Variants in SP3 observed in about 807,000 individuals in gnomAD.
SP3 encodes Sp3 transcription factor.
SP3 carries 10 observed loss-of-function variants against 70.3 expected under a neutral mutation model. The observed-to-expected ratio is 0.14, with a 90% CI of 0.09 to 0.24. The LOEUF (loss-of-function observed/expected upper bound fraction) is 0.24, where lower values mean the gene tolerates loss of function less well. Among genes scored for constraint, SP3 ranks in the 10% least tolerant of loss-of-function variants. The probability of loss-of-function intolerance (pLI) is 1.00; values close to 1 mark genes in which losing one functional copy is unlikely to be tolerated. For missense variants in SP3, 825 were observed against 914.6 expected (o/e 0.90, Z 1.26); for synonymous variants, 402 against 333.5 (o/e 1.21, Z -2.24).
At chr2:173,941,312 A>G (rs1269172974) in intron 4 of SP3, among the ~76,000 whole-genome samples, 1 of 152,156 alleles carries the variant, frequency 6.6e-6, no homozygotes, top group Non-Finnish European at 1.5e-5. Flanking sequence ...CCTCCACAAT[A>G]TATGAATAGA....
rs772974701 is a variant in SP3, at chr2:173,955,359, T to G, written c.1153A>C (p.Asn385His). The G allele has an allele frequency of 1.3e-5, 21 of 1,613,912 alleles. No individual in the cohort carries two copies. Among genetic ancestry groups the G allele is most frequent in the Non-Finnish European group, 1.7e-5 (20 of 1,180,004 alleles). The change falls in exon 4 of 7, where the codon AAT (asparagine) becomes CAT (histidine). Residue 385 changes from asparagine (N) to histidine (H), a missense_variant. Transcript: ENST00000310015. ...GGCTGTGCTGTAGAAACCTGAATAT[T>G]CTGTGCCTGTGTCTCTTCAGAAACA... ...SPVSEETQAQ[N>H]IQVSTAQPVV...
At chr2:173,951,368 T>C (rs1481184173) in intron 4 of SP3, among the ~76,000 whole-genome samples, 1 of 152,200 alleles carries the variant, frequency 6.6e-6, no homozygotes, top group African/African-American at 2.4e-5. Context: ...ATACTGATAC[T>C]TACCATATCA....
intron 5 of SP3, among the ~76,000 whole-genome samples, chr2:173,918,215 T>G (rs890280541): frequency 1.3e-5 from 2 of 152,136 alleles, no homozygotes; most frequent in Admixed American, 1.3e-4. Flanking sequence ...GAAATACTTA[T>G]GCTTATCAGC....
intron 4 of SP3, among the ~76,000 whole-genome samples, chr2:173,932,180 T>C (rs6756370): frequency 0.012 from 1,808 of 152,226 alleles, 39 homozygotes; most frequent in African/African-American, 0.041. Flanking sequence ...GTAGGGTTAT[T>C]ATCAATTTGC....
chr2:173,965,373 C>T lies in SP3; in HGVS notation c.-202G>A. On this transcript the variant is annotated 5_prime_UTR_variant, in exon 1 of 7. Transcript: ENST00000310015. The stretch of plus-strand genomic sequence containing the variant: ...AGCCCAAAAGGGGGGAAGAGGGTGA[C>T]AGCCCGCCCGGAACTCCCGCCCCTC... The T allele has an allele frequency of 1.7e-6, 1 of 601,130 alleles. No homozygotes were observed. Among genetic ancestry groups the T allele is most frequent in the Admixed American group, 3.2e-5 (1 of 31,004 alleles). 37.2% of individuals were successfully genotyped at this position (601,130 alleles called of 1,614,324 possible).
intron 4 of SP3, among the ~76,000 whole-genome samples, chr2:173,947,101 G>C (rs1690565972): frequency 6.6e-6 from 1 of 152,148 alleles, no homozygotes; most frequent in Admixed American, 6.5e-5. Flanking sequence ...TGTAATGTCT[G>C]TGATTTTAGT....
intron 4 of SP3, among the ~76,000 whole-genome samples, chr2:173,951,793 T>C (rs976061113): frequency 6.6e-6 from 1 of 152,206 alleles, no homozygotes; most frequent in African/African-American, 2.4e-5. Context: ...TTGGTCTATC[T>C]CGCACTTTGA....
intron 6 of SP3, among the ~76,000 whole-genome samples, chr2:173,912,087 G>T (rs185370233): frequency 6.6e-6 from 1 of 152,292 alleles, no homozygotes; most frequent in Non-Finnish European, 1.5e-5. Flanking sequence ...CCAAAGTGCC[G>T]GGATTACAGG....
At chr2:173,954,671 T>A (rs1167204783) in intron 4 of SP3, among the ~76,000 whole-genome samples, 2 of 152,148 alleles carry the variant, frequency 1.3e-5, no homozygotes, top group African/African-American at 4.8e-5. Context: ...GAAACATGAA[T>A]CCCTAACTTC....
chr2:173,964,385 G>A lies in SP3; in HGVS notation c.156+20C>T, dbSNP rs780885357. 2.7e-5 allele frequency: 19 copies of A among 694,910 alleles called. No homozygotes were observed. The African/African-American group carries it at 2.8e-4, about 10-fold the overall frequency. 43.0% of individuals were successfully genotyped at this position (694,910 alleles called of 1,614,324 possible). A position where few individuals can be genotyped will look rare whatever the true frequency, so the allele number is the denominator to read the frequency against. ...AGCGGCGCGAGGGGGGAGCCGGGCC[G>A]GGGTTCAGCCGCTCCTCACCTGGGC... On this transcript the variant is annotated intron_variant, in intron 2 of 6. Coordinates refer to ENST00000310015, the MANE Select transcript of SP3 (RefSeq NM_003111.5).
At position 173,902,778 on chromosome 2, in the gene SP3, T is replaced by C. The variant is rs1689213876; in HGVS notation, c.*7163A>G. ...AAACAATCCTAGGTATGCATACATA[T>C]AATAAGGATATAAAACCACTCATGG... is the stretch of plus-strand genomic sequence containing the variant. On this transcript the variant is annotated 3_prime_UTR_variant, in exon 7 of 7. Transcript: ENST00000310015. 6.6e-6 allele frequency among the ~76,000 whole-genome samples: 1 copy of C among 152,132 alleles called. No individual in the cohort carries two copies. Among genetic ancestry groups the C allele is most frequent in the Non-Finnish European group, 1.5e-5 (1 of 68,026 alleles).
rs1172027055 is a variant in SP3 at position 173,963,955 on chromosome 2, G to T, written c.157-72C>A. The T allele has an allele frequency of 2.7e-5, 30 of 1,117,076 alleles. No individual in the cohort carries two copies. In the African/African-American group the frequency reaches 5.0e-4, roughly 19 times the overall value. The allele number at this position is 1,117,076 out of a possible 1,614,324, so 69.2% of individuals were successfully genotyped here. Reference sequence around the variant, plus strand: ...GGCGGTTAGGGTCGGGCCGCCTTTCGCACAGGAAGTACGACTCGGTCCCCG... The same window carrying T: ...GGCGGTTAGGGTCGGGCCGCCTTTCTCACAGGAAGTACGACTCGGTCCCCG... On this transcript the variant is annotated intron_variant, in intron 2 of 6. Transcript: ENST00000310015.
chr2:173,937,234 G>A (rs1277143816), intron 4 of SP3, among the ~76,000 whole-genome samples: 3 of 152,130 alleles, frequency 2.0e-5, no homozygotes, highest in East Asian at 3.8e-4. Context: ...AAGCAGCAAA[G>A]ACATTTATTA....
chr2:173,910,216 T>A lies in SP3; in HGVS notation c.2071A>T (p.Met691Leu), dbSNP rs1390409583. The change falls in exon 7 of 7, where the codon ATG becomes TTG. Residue 691 changes from methionine (M) to leucine (L), a missense_variant. Coordinates refer to ENST00000310015, the MANE Select transcript of SP3 (RefSeq NM_003111.5). ...FVCPECSKRF[M>L]RSDHLAKHIK... is the part of the protein sequence containing the mutation. ...TGTTTGGCAAGGTGGTCACTTCTCA[T>A]AAAGCGTTTTGAACATTCTGGACAA... 3 of 1,614,018 alleles carry A rather than the reference T, an allele frequency of 1.9e-6. No homozygotes were observed. The highest frequency in any genetic ancestry group is 1.7e-5 in the Admixed American group (1 of 60,018).
In SP3 at chr2:173,964,549, G is replaced by A. The variant is rs1400837632; in HGVS notation, c.12C>T (p.Pro4=). 1.4e-6 allele frequency: 1 copy of A among 690,690 alleles called. No homozygotes were observed. The allele number at this position is 690,690 out of a possible 1,614,324, so 42.8% of individuals were successfully genotyped here. Residue 4 remains proline (P), a synonymous_variant, in exon 2 of 7, where the codon CCC becomes CCT. Coordinates refer to ENST00000310015, the MANE Select transcript of SP3 (RefSeq NM_003111.5). The stretch of plus-strand genomic sequence containing the variant: ...TTTCCTCTTGTTTCACGGGCTTTTC[G>A]GGAGCTGCAGGCACAGCGCGGGGGG... MTA[P]EKPVKQEEMA... is the part of the protein sequence containing the mutation.
chr2:173,933,638 T>TCATATATATATATA (rs71405167), intron 4 of SP3, among the ~76,000 whole-genome samples: 2 of 86,556 alleles, frequency 2.3e-5, no homozygotes, highest in East Asian at 6.4e-4. Flanking sequence ...TTATAAAACT[T>TCATATATATATATA]TATATATATA....
chr2:173,927,115 G>C (rs1689936648), intron 4 of SP3, among the ~76,000 whole-genome samples: 1 of 151,900 alleles, frequency 6.6e-6, no homozygotes, highest in Non-Finnish European at 1.5e-5. Context: ...GATCTCACAA[G>C]AACTCACTAT....
chr2:173,938,459 C>CAAAAAAAAAAAAAAAAAAA (rs747595137), intron 4 of SP3, among the ~76,000 whole-genome samples: 1 of 46,386 alleles, frequency 2.2e-5, no homozygotes, highest in Non-Finnish European at 4.2e-5. Flanking sequence ...AACTTTGCCT[C>CAAAAAAAAAAAAAAAAAAA]AAAAAAAAAA....
chr2:173,963,931 G>A (rs747691205), intron 2 of SP3, 48 bp from the exon 3 acceptor site: 2 of 1,343,858 alleles, frequency 1.5e-6, no homozygotes, highest in Non-Finnish European at 2.0e-6. Flanking sequence ...GGAGGGGGTG[G>A]CGGTTAGGGT....
Sources: gnomAD v4.1 joint callset for allele counts (sites outside exome capture counted in the v4.1 genomes callset) on GRCh38, gnomAD v4.1.1 for gene constraint, MANE v1.5 for transcripts, NCBI Gene and HGNC (gene_info 2026-07-23, HGNC 2026-07-21) for gene names.